The following ROBO2 variants were observed in gnomAD, a reference collection of about 807,000 sequenced individuals.
ROBO2 encodes roundabout guidance receptor 2, also known as roundabout homolog 2.
ROBO2 carries 53 observed loss-of-function variants against 160.8 expected under a neutral mutation model. The ratio of observed to expected loss-of-function variants is 0.33; its 90% CI spans 0.26 to 0.41. The LOEUF (loss-of-function observed/expected upper bound fraction) is 0.41, where lower values mean the gene tolerates loss of function less well. Ranked by LOEUF, ROBO2 falls within the 10% of genes least tolerant of loss-of-function variation. The pLI is 1.00. For missense variants in ROBO2, 1,577 were observed against 1,722.4 expected (o/e 0.92, Z 1.49); for synonymous variants, 664 against 611.7 (o/e 1.09, Z -1.26).
At chr3:76,161,527 C>T (rs2072639261) in intron 2 of ROBO2, among the ~76,000 whole-genome samples, 2 of 152,092 alleles carry the variant, frequency 1.3e-5, no homozygotes, top group African/African-American at 4.8e-5. Flanking sequence ...ACCAGTGAGT[C>T]ACATGAAGGA....
intron 2 of ROBO2, among the ~76,000 whole-genome samples, chr3:77,355,217 C>T (rs2068931825): frequency 6.6e-6 from 1 of 152,220 alleles, no homozygotes; most frequent in Non-Finnish European, 1.5e-5. Context: ...CCTTTATGAT[C>T]AACCCTTCTT....
chr3:76,320,797 G>A (rs976070189), intron 2 of ROBO2, among the ~76,000 whole-genome samples: 29 of 152,288 alleles, frequency 1.9e-4, no homozygotes, highest in African/African-American at 4.8e-4. Flanking sequence ...TGTTGATTGC[G>A]AAGTGTAATG....
intron 2 of ROBO2, among the ~76,000 whole-genome samples, chr3:77,322,425 A>G (rs1360139803): frequency 6.6e-6 from 1 of 152,130 alleles, no homozygotes; most frequent in African/African-American, 2.4e-5. Context: ...TGCATTCTGA[A>G]GTCAATTTCA....
chr3:76,775,265 G>T (rs1246406391), intron 2 of ROBO2, among the ~76,000 whole-genome samples: 1 of 150,698 alleles, frequency 6.6e-6, no homozygotes. Context: ...TGCGCATCTT[G>T]AAGTTATATA....
intron 2 of ROBO2, among the ~76,000 whole-genome samples, chr3:76,581,560 C>A (rs1367578678): frequency 1.3e-5 from 2 of 152,074 alleles, no homozygotes; most frequent in African/African-American, 4.8e-5. Flanking sequence ...ACTGCTTGAG[C>A]CCAGGAGGCC....
At chr3:76,427,796 A>C (rs1320792043) in intron 2 of ROBO2, among the ~76,000 whole-genome samples, 1 of 152,158 alleles carries the variant, frequency 6.6e-6, no homozygotes, top group Non-Finnish European at 1.5e-5. Flanking sequence ...TCTTTAAATG[A>C]GAAGGCTTCT....
At chr3:76,673,583 G>A (rs1270133003) in intron 2 of ROBO2, among the ~76,000 whole-genome samples, 2 of 152,078 alleles carry the variant, frequency 1.3e-5, no homozygotes, top group Non-Finnish European at 2.9e-5. Context: ...ATCAAGAAAT[G>A]TTAACTTTTA....
At chr3:77,527,343 T>C in intron 6 of ROBO2, 60 bp from the exon 7 acceptor site, 2 of 1,233,922 alleles carry the variant, frequency 1.6e-6, no homozygotes, top group Non-Finnish European at 2.1e-6. Flanking sequence ...TCTGATAATT[T>C]TTCTTTCTTT....
At chr3:76,278,856 G>A (rs140366398) in intron 2 of ROBO2, among the ~76,000 whole-genome samples, 64 of 151,898 alleles carry the variant, frequency 4.2e-4, no homozygotes, top group African/African-American at 1.5e-3. Flanking sequence ...TCCTCTATAG[G>A]TTCACTGATT....
intron 2 of ROBO2, among the ~76,000 whole-genome samples, chr3:77,443,893 G>C (rs2080201649): frequency 6.6e-6 from 1 of 152,082 alleles, no homozygotes; most frequent in African/African-American, 2.4e-5. Flanking sequence ...TACCAAATCT[G>C]AACTTTTTTT....
rs1703605103 is a variant in ROBO2 at position 76,217,218 on chromosome 3, TC to T, written c.109+279617del. ...TGTCCACAAGAGAAAGCAGGAAAGA[TC>T]TAAAATTGACACCCTAACATCACAA... On this transcript the variant is annotated intron_variant, in intron 2 of 26. Transcript: ENST00000487694. Among the ~76,000 whole-genome samples, 5 of 151,818 alleles carry T rather than the reference TC, an allele frequency of 3.3e-5. No individual in the cohort carries two copies. In the South Asian group the frequency reaches 1.0e-3, roughly 32 times the overall value.
At chr3:75,922,723 T>C (rs901003883) in intron 1 of ROBO2, among the ~76,000 whole-genome samples, 2 of 152,132 alleles carry the variant, frequency 1.3e-5, no homozygotes, top group Non-Finnish European at 2.9e-5. Context: ...TAAGTAAATA[T>C]ATACATCCAA....
rs575693537 is a variant in ROBO2, at chr3:76,979,164, G to A, written c.110-118850G>A. On this transcript the variant is annotated intron_variant, in intron 2 of 26. Coordinates refer to the ROBO2 transcript ENST00000487694. Reference sequence around the variant, plus strand: ...ACGCCATGTTGCCCAGGTTGGTCTCGAACTCCTGGGCTGCAGTGGTCTTCC... The same window carrying A: ...ACGCCATGTTGCCCAGGTTGGTCTCAAACTCCTGGGCTGCAGTGGTCTTCC... Among the ~76,000 whole-genome samples, 19 of 152,112 alleles carry A rather than the reference G, an allele frequency of 1.2e-4. No homozygotes were observed. In the East Asian group the frequency reaches 1.9e-3, roughly 16 times the overall value.
intron 2 of ROBO2, among the ~76,000 whole-genome samples, chr3:76,111,909 C>T (rs1442313117): frequency 6.6e-6 from 1 of 152,170 alleles, no homozygotes; most frequent in Non-Finnish European, 1.5e-5. Context: ...TATTGAGCTT[C>T]CTAAGATGTC....
chr3:77,299,267 G>A (rs554895916), intron 2 of ROBO2, among the ~76,000 whole-genome samples: 2 of 152,220 alleles, frequency 1.3e-5, no homozygotes, highest in East Asian at 3.9e-4. Flanking sequence ...GAATAGATAG[G>A]TGTGGTATCA....
At chr3:76,476,144 C>T in intron 2 of ROBO2, among the ~76,000 whole-genome samples, 1 of 152,216 alleles carries the variant, frequency 6.6e-6, no homozygotes, top group East Asian at 1.9e-4. Flanking sequence ...CAGAGCAAGA[C>T]TGCATCTCAA....
At chr3:76,063,876 G>T (rs1050964467) in intron 2 of ROBO2, among the ~76,000 whole-genome samples, 1 of 152,134 alleles carries the variant, frequency 6.6e-6, no homozygotes, top group Non-Finnish European at 1.5e-5. Flanking sequence ...TGATCCTCTT[G>T]TGATTATTTC....
At chr3:76,475,405 T>C (rs1433022205) in intron 2 of ROBO2, among the ~76,000 whole-genome samples, 1 of 152,076 alleles carries the variant, frequency 6.6e-6, no homozygotes, top group Admixed American at 6.6e-5. Context: ...TGTGCAGCCA[T>C]GGTGAGGATG....
intron 1 of ROBO2, among the ~76,000 whole-genome samples, chr3:77,080,944 C>T (rs563061253): frequency 6.6e-6 from 1 of 152,066 alleles, no homozygotes; most frequent in East Asian, 1.9e-4. Context: ...CCGGAGTTGC[C>T]TGTTTTGTTT....
Sources: allele counts gnomAD v4.1 joint callset (sites outside exome capture counted in the v4.1 genomes callset), GRCh38; gene constraint gnomAD v4.1.1; transcripts MANE v1.5; gene names NCBI Gene and HGNC (gene_info 2026-07-23, HGNC 2026-07-21).